The following FNDC3A variants were observed in gnomAD, a reference collection of about 807,000 sequenced individuals.
The protein encoded by FNDC3A is fibronectin type-III domain-containing protein 3A.
FNDC3A carries 32 observed loss-of-function variants against 148.9 expected under a neutral mutation model. The observed-to-expected ratio is 0.21, with a 90% CI of 0.16 to 0.29. The LOEUF (loss-of-function observed/expected upper bound fraction) is 0.29, where lower values mean the gene tolerates loss of function less well. Among genes scored for constraint, FNDC3A ranks in the 10% least tolerant of loss-of-function variants. The pLI is 1.00. For synonymous variants in FNDC3A, 472 were observed against 473.6 expected, an observed-to-expected ratio of 1.00 and a Z score of 0.04; for missense variants, 1,191 against 1,452.8, an observed-to-expected ratio of 0.82 and a Z score of 2.93.
chr13:49,008,184 T>G (rs1025413857), intron 2 of FNDC3A, among the ~76,000 whole-genome samples: 5 of 152,096 alleles, frequency 3.3e-5, no homozygotes, highest in African/African-American at 7.2e-5. Flanking sequence ...ATAGAGATAG[T>G]TATAATAAGC....
At chr13:49,046,675 ATTAC>A (rs1327130529) in intron 2 of FNDC3A, 1 of 153,496 alleles carries the variant, frequency 6.5e-6, no homozygotes, top group African/African-American at 2.4e-5. Context: ...GTGGAAATCT[ATTAC>A]TTTCTAACAT....
At chr13:49,043,379 A>G (rs771960939) in intron 2 of FNDC3A, among the ~76,000 whole-genome samples, 21 of 152,162 alleles carry the variant, frequency 1.4e-4, no homozygotes, top group African/African-American at 3.6e-4. Flanking sequence ...GTGCTGTTCT[A>G]TGTGGCCCAT....
intron 11 of FNDC3A, among the ~76,000 whole-genome samples, chr13:49,173,115 G>A (rs1262268434): frequency 6.6e-6 from 1 of 151,428 alleles, no homozygotes; most frequent in Non-Finnish European, 1.5e-5. Flanking sequence ...GTGGCCCTTG[G>A]GCCGCAGGTT....
At chr13:49,030,699 G>A (rs1424086120) in intron 2 of FNDC3A, among the ~76,000 whole-genome samples, 6 of 151,994 alleles carry the variant, frequency 3.9e-5, no homozygotes, top group African/African-American at 1.4e-4. Flanking sequence ...ACAATAAATT[G>A]TATTTCTATA....
At chr13:49,158,679 A>G (rs1883886420) in intron 8 of FNDC3A, among the ~76,000 whole-genome samples, 1 of 152,218 alleles carries the variant, frequency 6.6e-6, no homozygotes, top group African/African-American at 2.4e-5. Flanking sequence ...TGTTTTAGTC[A>G]TGAAGTCCTT....
intron 2 of FNDC3A, among the ~76,000 whole-genome samples, chr13:49,018,296 C>A (rs565664963): frequency 1.3e-5 from 2 of 152,110 alleles, no homozygotes; most frequent in African/African-American, 2.4e-5. Context: ...AGGCTTTATT[C>A]GTTTCTTTTT....
Position 49,175,347 on chromosome 13 carries a change from A to G in FNDC3A, c.1356-20A>G, listed in dbSNP as rs1190538850. 1.3e-6 allele frequency: 2 copies of G among 1,528,646 alleles called. No homozygotes were observed. Among genetic ancestry groups the G allele is most frequent in the African/African-American group, 1.4e-5 (1 of 71,390 alleles). 94.7% of individuals were successfully genotyped at this position (1,528,646 alleles called of 1,614,324 possible). On this transcript the variant is annotated intron_variant, in intron 12 of 25. Coordinates refer to ENST00000492622, the MANE Select transcript of FNDC3A (RefSeq NM_001079673.2). The stretch of plus-strand genomic sequence containing the variant: ...TAAAAATAACTTTTTCATGCCTTTT[A>G]AAACCATTTGTTTCAACAGTGGTTT...
chr13:49,001,741 C>T (rs1593455744), intron 1 of FNDC3A, among the ~76,000 whole-genome samples: 1 of 152,090 alleles, frequency 6.6e-6, no homozygotes, highest in East Asian at 1.9e-4. Flanking sequence ...AAATTTTGGT[C>T]AGACCGGTTG....
At chr13:49,046,385 C>A in intron 2 of FNDC3A, 1 of 192,114 alleles carries the variant, frequency 5.2e-6, no homozygotes, top group South Asian at 1.3e-4. Context: ...TCAATCCACT[C>A]TTGTACTTGA....
chr13:49,143,433 A>G (rs76115373), intron 7 of FNDC3A, among the ~76,000 whole-genome samples: 1,584 of 152,248 alleles, frequency 0.01, 32 homozygotes, highest in East Asian at 0.077. Context: ...TTTTAAAACT[A>G]TGTTTGCTAA....
chr13:48,991,908 A>G (rs924237329), intron 1 of FNDC3A, among the ~76,000 whole-genome samples: 3 of 152,220 alleles, frequency 2.0e-5, no homozygotes, highest in Non-Finnish European at 4.4e-5. Flanking sequence ...TTACATTATC[A>G]TATGGTTGAT....
Position 49,032,429 on chromosome 13 carries a change from A to G in FNDC3A, c.99+26140A>G, listed in dbSNP as rs1021827994. On this transcript the variant is annotated intron_variant, in intron 2 of 25. Coordinates refer to ENST00000492622, the MANE Select transcript of FNDC3A (RefSeq NM_001079673.2). Reference sequence around the variant, plus strand: ...AAATATGGTATATCAGTAAAATGGAATATTATTATTTGGCTGTAAACTGGA... The same window carrying G: ...AAATATGGTATATCAGTAAAATGGAGTATTATTATTTGGCTGTAAACTGGA... Among the ~76,000 whole-genome samples the G allele has an allele frequency of 3.3e-5, 5 of 152,214 alleles. No individual in the cohort carries two copies. The East Asian group carries it at 7.7e-4, about 23-fold the overall frequency.
In FNDC3A at chr13:49,200,706, A is replaced by G. The variant is rs187585807; in HGVS notation, c.2988-1094A>G. On this transcript the variant is annotated intron_variant, in intron 23 of 25. Coordinates refer to ENST00000492622, the MANE Select transcript of FNDC3A (RefSeq NM_001079673.2). ...TAGAGAATTGTTATGGGGTATGAATATGGCTCATGGCCTTTGGTTGTGGAA... is the reference window on the plus strand; with the variant it reads ...TAGAGAATTGTTATGGGGTATGAATGTGGCTCATGGCCTTTGGTTGTGGAA... Among the ~76,000 whole-genome samples, 413 of 152,204 alleles carry G rather than the reference A, an allele frequency of 2.7e-3. 2 individuals are homozygous for G. The highest frequency in any genetic ancestry group is 9.5e-3 in the African/African-American group (396 of 41,562).
intron 2 of FNDC3A, among the ~76,000 whole-genome samples, chr13:49,011,029 A>G (rs1952331785): frequency 6.6e-6 from 1 of 152,082 alleles, no homozygotes; most frequent in Admixed American, 6.5e-5. Flanking sequence ...AACTCAATGT[A>G]TTCATTTATC....
At chr13:48,993,555 T>A (rs145018986) in intron 1 of FNDC3A, among the ~76,000 whole-genome samples, 10 of 152,194 alleles carry the variant, frequency 6.6e-5, no homozygotes, top group Non-Finnish European at 1.5e-4. Context: ...GACAAAAAAA[T>A]TTTTAATGAA....
intron 2 of FNDC3A, among the ~76,000 whole-genome samples, chr13:49,023,561 T>G (rs958495884): frequency 3.9e-5 from 6 of 151,986 alleles, no homozygotes; most frequent in Non-Finnish European, 7.4e-5. Context: ...GGATTCTTGG[T>G]CTAAAAAGAA....
chr13:49,044,324 A>AT (rs1273550091), intron 2 of FNDC3A: 1 of 160,066 alleles, frequency 6.2e-6, no homozygotes. Flanking sequence ...TAGGGCTTCC[A>AT]TTTTCAGTCT....
chr13:49,117,623 A>G (rs1206635387), intron 4 of FNDC3A, among the ~76,000 whole-genome samples: 2 of 152,204 alleles, frequency 1.3e-5, no homozygotes, highest in African/African-American at 4.8e-5. Flanking sequence ...AATTGCATCT[A>G]TACTGAACAC....
intron 14 of FNDC3A, among the ~76,000 whole-genome samples, chr13:49,181,744 G>A (rs899363677): frequency 8.0e-5 from 12 of 150,834 alleles, no homozygotes; most frequent in Non-Finnish European, 1.6e-4. Context: ...AACACTTTGA[G>A]AAAAGCTACA....
Sources: gnomAD v4.1 joint callset for allele counts (sites outside exome capture counted in the v4.1 genomes callset) on GRCh38, gnomAD v4.1.1 for gene constraint, MANE v1.5 for transcripts, NCBI Gene and HGNC (gene_info 2026-07-23, HGNC 2026-07-21) for gene names.